The following ASH1L variants were observed in gnomAD, a reference collection of about 807,000 sequenced individuals.
The protein encoded by ASH1L is ASH1 like histone lysine methyltransferase.
ASH1L carries 23 observed loss-of-function variants against 269.0 expected under a neutral mutation model. The ratio of observed to expected loss-of-function variants is 0.09; its 90% CI spans 0.06 to 0.12. The LOEUF is 0.12. ASH1L is among the 10% of genes least tolerant of loss of function. ASH1L has a pLI of 1.00. For synonymous variants in ASH1L, 1,187 were observed against 1,253.5 expected (o/e 0.95, Z 1.12); for missense variants, 2,912 against 3,567.8 (o/e 0.82, Z 4.68).
intron 5 of ASH1L, among the ~76,000 whole-genome samples, chr1:155,429,650 G>A (rs1444622984): frequency 6.6e-6 from 1 of 152,134 alleles, no homozygotes; most frequent in African/African-American, 2.4e-5. Context: ...AGGTAAATAT[G>A]TGGTTACCTT....
Position 155,402,342 on chromosome 1 carries a change from C to T in ASH1L, c.6009-6789G>A, listed in dbSNP as rs144656475. Among the ~76,000 whole-genome samples, 16 of 152,128 alleles carry T rather than the reference C, an allele frequency of 1.1e-4. No homozygotes were observed. The East Asian group carries it at 2.9e-3, about 28-fold the overall frequency. On this transcript the variant is annotated intron_variant, in intron 6 of 27. Coordinates refer to ENST00000392403, the MANE Select transcript of ASH1L (RefSeq NM_018489.3). ...ATGTCACCTTTCCCTAACCTTGCTCCAATCCAGACCATTTTACTGCACAAC... is the reference window on the plus strand; with the variant it reads ...ATGTCACCTTTCCCTAACCTTGCTCTAATCCAGACCATTTTACTGCACAAC...
chr1:155,419,472 T>C (rs1353090960), intron 5 of ASH1L: 4 of 152,058 alleles, frequency 2.6e-5, no homozygotes, highest in African/African-American at 7.2e-5. Context: ...AAGAATGATA[T>C]GCAAACTTGT....
intron 21 of ASH1L, 184 bp downstream of exon 21, chr1:155,346,199 G>C (rs760879023): frequency 2.0e-6 from 3 of 1,515,034 alleles, no homozygotes; most frequent in African/African-American, 1.4e-5. Flanking sequence ...TTTCCCTTTG[G>C]TCATACTCCT....
chr1:155,508,608 C>T (rs1247355188), intron 2 of ASH1L, among the ~76,000 whole-genome samples: 1 of 152,098 alleles, frequency 6.6e-6, no homozygotes, highest in Non-Finnish European at 1.5e-5. Context: ...CCACTGCACT[C>T]CAGCCTGTAT....
At position 155,470,265 on chromosome 1, in the gene ASH1L, C is replaced by A. The variant is rs563662152; in HGVS notation, c.4984+7621G>T. The stretch of plus-strand genomic sequence containing the variant: ...CCATAGGTCAGGAGTTCGAGACCAG[C>A]CTGGTCAACATGGTGAAACTCCGTC... On this transcript the variant is annotated intron_variant, in intron 3 of 27. Coordinates refer to ENST00000392403, the MANE Select transcript of ASH1L (RefSeq NM_018489.3). Among the ~76,000 whole-genome samples the A allele has an allele frequency of 1.3e-4, 20 of 152,042 alleles. 1 individual carries two copies. In the East Asian group the frequency reaches 3.5e-3, roughly 27 times the overall value.
At chr1:155,549,349 A>C (rs182314762) in intron 1 of ASH1L, among the ~76,000 whole-genome samples, 1 of 152,168 alleles carries the variant, frequency 6.6e-6, no homozygotes, top group Non-Finnish European at 1.5e-5. Context: ...TCAAAAAAAA[A>C]CTTTTTGGCC....
intron 13 of ASH1L, among the ~76,000 whole-genome samples, chr1:155,358,434 C>CT (rs1200418604): frequency 1.3e-5 from 2 of 151,884 alleles, no homozygotes; most frequent in East Asian, 3.9e-4. Flanking sequence ...TGCCTGTAAT[C>CT]CAGCACTTTG....
chr1:155,538,951 C>G (rs563155931), intron 1 of ASH1L, among the ~76,000 whole-genome samples: 2 of 152,062 alleles, frequency 1.3e-5, no homozygotes, highest in Non-Finnish European at 2.9e-5. Context: ...ACCAATTGCT[C>G]AAGTCAGAGC....
intron 1 of ASH1L, among the ~76,000 whole-genome samples, chr1:155,521,832 A>C (rs1668906182): frequency 1.3e-5 from 2 of 152,242 alleles, no homozygotes; most frequent in South Asian, 4.1e-4. Context: ...TATCATAAAC[A>C]AGCCATAGTG....
At chr1:155,408,803 C>T (rs1163445423) in intron 6 of ASH1L, among the ~76,000 whole-genome samples, 1 of 151,690 alleles carries the variant, frequency 6.6e-6, no homozygotes, top group Non-Finnish European at 1.5e-5. Context: ...CTTCTTGAGC[C>T]CAGGAGTTAG....
At chr1:155,421,230 TAAAAAAAAAA>T (rs67434918) in intron 5 of ASH1L, among the ~76,000 whole-genome samples, 1 of 95,690 alleles carries the variant, frequency 1.0e-5, no homozygotes, top group African/African-American at 4.0e-5. Context: ...TTCTGTGTCT[TAAAAAAAAAA>T]AAAAAAAAAA....
chr1:155,400,873 T>C (rs1658777639), intron 6 of ASH1L, among the ~76,000 whole-genome samples: 1 of 152,104 alleles, frequency 6.6e-6, no homozygotes, highest in Non-Finnish European at 1.5e-5. Flanking sequence ...TAAATTAAGA[T>C]CATGCCAGTG....
intron 12 of ASH1L, among the ~76,000 whole-genome samples, chr1:155,361,448 C>T (rs1419164690): frequency 7.8e-5 from 10 of 128,408 alleles, no homozygotes; most frequent in African/African-American, 2.3e-4. Flanking sequence ...ACCTGGGAGG[C>T]GGAGGTTGCA....
intron 1 of ASH1L, among the ~76,000 whole-genome samples, chr1:155,537,734 C>T (rs1670152420): frequency 6.6e-6 from 1 of 151,248 alleles, no homozygotes; most frequent in African/African-American, 2.5e-5. Flanking sequence ...TTAGATATGA[C>T]AGCATGATTT....
intron 2 of ASH1L, among the ~76,000 whole-genome samples, chr1:155,502,461 T>C (rs1360323519): frequency 6.6e-6 from 1 of 152,186 alleles, no homozygotes; most frequent in Non-Finnish European, 1.5e-5. Flanking sequence ...TTGGTAATGA[T>C]GATGGTATTT....
chr1:155,384,567 T>C (rs1234942924), intron 7 of ASH1L, among the ~76,000 whole-genome samples: 2 of 151,808 alleles, frequency 1.3e-5, no homozygotes, highest in Non-Finnish European at 2.9e-5. Flanking sequence ...GCCTGGCTAA[T>C]TTTTTTTGTA....
At chr1:155,428,297 C>A (rs747408712) in intron 5 of ASH1L, among the ~76,000 whole-genome samples, 1 of 151,586 alleles carries the variant, frequency 6.6e-6, no homozygotes, top group Admixed American at 6.6e-5. Context: ...AAAAATTAGC[C>A]GGGTGTGGTG....
chr1:155,403,091 AG>A (rs2148504070), intron 6 of ASH1L, among the ~76,000 whole-genome samples: 1 of 151,974 alleles, frequency 6.6e-6, no homozygotes, highest in East Asian at 1.9e-4. Context: ...AGGCTGAGAC[AG>A]GAGAATCGCT....
intron 1 of ASH1L, among the ~76,000 whole-genome samples, chr1:155,535,603 A>T (rs866794285): frequency 6.6e-6 from 1 of 151,702 alleles, no homozygotes; most frequent in African/African-American, 2.4e-5. Flanking sequence ...CTAAGAAAAT[A>T]TCACTGCATT....
Sources: gnomAD v4.1 joint callset for allele counts (sites outside exome capture counted in the v4.1 genomes callset) on GRCh38, gnomAD v4.1.1 for gene constraint, MANE v1.5 for transcripts, NCBI Gene and HGNC (gene_info 2026-07-23, HGNC 2026-07-21) for gene names.